Variants in COL4A1 observed in about 807,000 individuals in gnomAD.
The protein encoded by COL4A1 is collagen alpha-1(IV) chain.
Under a neutral mutation model 216.6 loss-of-function variants are expected in COL4A1, and 40 were observed. The ratio of observed to expected loss-of-function variants is 0.18; its 90% CI spans 0.14 to 0.24. COL4A1 has a LOEUF of 0.24. Among genes scored for constraint, COL4A1 ranks in the 10% least tolerant of loss-of-function variants. The pLI is 1.00. For missense variants in COL4A1, 1,628 were observed against 2,196.8 expected, an observed-to-expected ratio of 0.74 and a Z score of 5.18; for synonymous variants, 839 against 810.7, an observed-to-expected ratio of 1.03 and a Z score of -0.59.
chr13:110,210,009 C>G lies in COL4A1; in HGVS notation c.586G>C (p.Val196Leu), dbSNP rs1222813336. The change falls in exon 10 of 52, where the codon GTT becomes CTT. Residue 196 changes from valine (V) to leucine (L), a missense_variant. Val to Leu is a conservative substitution (Grantham distance 32, BLOSUM62 1). Coordinates refer to ENST00000375820, the MANE Select transcript of COL4A1 (RefSeq NM_001845.6). Reference sequence around the variant, plus strand: ...GGTCCGGTAAATCCTGGAGGCCCAACAGGACCTTGAAGCCCTGGCAGTCCT... The same window carrying G: ...GGTCCGGTAAATCCTGGAGGCCCAAGAGGACCTTGAAGCCCTGGCAGTCCT... ...PPGLPGLQGP[V>L]GPPGFTGPPG... 6.2e-7 allele frequency: 1 copy of G among 1,614,196 alleles called. No individual in the cohort carries two copies. The highest frequency in any genetic ancestry group is 1.1e-5 in the South Asian group (1 of 91,088).
chr13:110,280,878 T>G (rs1289043041), intron 1 of COL4A1, among the ~76,000 whole-genome samples: 1 of 152,200 alleles, frequency 6.6e-6, no homozygotes, highest in African/African-American at 2.4e-5. Context: ...GCTGAAGGTT[T>G]CTTACTCTAA....
At chr13:110,167,273 A>G (rs1360751336) in intron 43 of COL4A1, 43 bp from the exon 44 acceptor site, 2 of 1,458,452 alleles carry the variant, frequency 1.4e-6, no homozygotes, top group Non-Finnish European at 1.9e-6. Flanking sequence ...CAGGATATGT[A>G]GGTTAAGTCT....
chr13:110,256,370 C>T (rs749658277), intron 1 of COL4A1, among the ~76,000 whole-genome samples: 50 of 152,160 alleles, frequency 3.3e-4, no homozygotes, highest in Admixed American at 2.2e-3. Context: ...GAGGATGATA[C>T]TCGGGAGGAA....
At chr13:110,263,727 T>C (rs11842434) in intron 1 of COL4A1, among the ~76,000 whole-genome samples, 97,791 of 152,120 alleles carry the variant, frequency 0.64, 32,180 homozygotes, top group Non-Finnish European at 0.68. Flanking sequence ...AATTATATAT[T>C]AAATGAAAAT....
chr13:110,232,553 A>G (rs1881110213), intron 2 of COL4A1, among the ~76,000 whole-genome samples: 1 of 152,188 alleles, frequency 6.6e-6, no homozygotes, highest in South Asian at 2.1e-4. Context: ...ATTAAAATAT[A>G]CACTCTCATT....
intron 10 of COL4A1, chr13:110,209,762 A>C: frequency 1.3e-6 from 1 of 768,808 alleles, no homozygotes; most frequent in Admixed American, 1.7e-5. Flanking sequence ...TCAGGGTATC[A>C]GTTTATGGTA....
Position 110,177,888 on chromosome 13 carries a change from C to T in COL4A1, c.2670G>A (p.Pro890=), listed in dbSNP as rs769582266. Residue 890 remains proline, a synonymous_variant, in exon 33 of 52, where the codon CCG becomes CCA. Transcript: ENST00000375820. ...EMGVMGTPGQ[P]GSPGPVGAPG... ...GAGCACCCACTGGTCCTGGTGAGCC[C>T]GGCTGCCCGGGGGTCCCCATGACGC... The T allele has an allele frequency of 1.4e-5, 23 of 1,613,992 alleles. No individual in the cohort carries two copies. The highest frequency in any genetic ancestry group is 1.3e-4 in the East Asian group (6 of 44,886).
intron 1 of COL4A1, among the ~76,000 whole-genome samples, chr13:110,253,698 A>ATATGTG (rs756181406): frequency 0.036 from 3,827 of 106,468 alleles, 478 homozygotes; most frequent in Non-Finnish European, 0.06. Flanking sequence ...ACATATAATT[A>ATATGTG]TACGTATGTA....
chr13:110,305,360 G>GT (rs1364758530), intron 1 of COL4A1, among the ~76,000 whole-genome samples: 13 of 152,346 alleles, frequency 8.5e-5, no homozygotes, highest in Admixed American at 6.5e-4. Context: ...CAGGATTTGC[G>GT]TAACTGAGTG....
At position 110,183,219 on chromosome 13, in the gene COL4A1, CCTT is replaced by C. The variant is rs751234195; in HGVS notation, c.1952_1954del (p.Glu651del). 1.5e-5 allele frequency: 24 copies of C among 1,613,792 alleles called. No individual in the cohort carries two copies. Among genetic ancestry groups the C allele is most frequent in the African/African-American group, 6.7e-5 (5 of 74,934 alleles). Reference sequence around the variant, plus strand: ...TGGGAAGCCTGGGGACCCCGGCAGTCCTTCTGCTCCAGGGGGGCCTGGTAAAGG... The same window carrying C: ...TGGGAAGCCTGGGGACCCCGGCAGTCCTGCTCCAGGGGGGCCTGGTAAAGG... On this transcript the variant is annotated inframe_deletion, in exon 27 of 52. Coordinates refer to ENST00000375820, the MANE Select transcript of COL4A1 (RefSeq NM_001845.6).
intron 1 of COL4A1, among the ~76,000 whole-genome samples, chr13:110,255,155 G>A (rs553924201): frequency 2.0e-5 from 3 of 152,236 alleles, no homozygotes; most frequent in African/African-American, 7.2e-5. Context: ...GAAGGCCAGA[G>A]TGCTGCAAGG....
chr13:110,267,921 A>C (rs1883103567), intron 1 of COL4A1, among the ~76,000 whole-genome samples: 1 of 152,196 alleles, frequency 6.6e-6, no homozygotes, highest in Admixed American at 6.5e-5. Context: ...TCAGGATTTT[A>C]AACCCCATGA....
At position 110,213,921 on chromosome 13, in the gene COL4A1, C is replaced by A. The variant is rs895625689; in HGVS notation, c.234+5G>T. On this transcript the variant is annotated splice_donor_5th_base_variant and intron_variant, in intron 3 of 51. Transcript: ENST00000375820. ...ACCCACCCCCAATCCCACAGCCGTG[C>A]TTACCTTTTGTCCTGGTGGTCCCTG... 2 of 1,614,104 alleles carry A rather than the reference C, an allele frequency of 1.2e-6. No homozygotes were observed. The highest frequency in any genetic ancestry group is 1.7e-6 in the Non-Finnish European group (2 of 1,180,012).
chr13:110,234,208 A>G (rs1881195123), intron 2 of COL4A1, among the ~76,000 whole-genome samples: 1 of 152,248 alleles, frequency 6.6e-6, no homozygotes, highest in Non-Finnish European at 1.5e-5. Context: ...AACAGTGGGT[A>G]GATGGGGGAA....
At chr13:110,223,306 C>T (rs1398191774) in intron 2 of COL4A1, among the ~76,000 whole-genome samples, 2 of 152,224 alleles carry the variant, frequency 1.3e-5, no homozygotes, top group South Asian at 2.1e-4. Flanking sequence ...CTTTGGTCTT[C>T]TTCCACTATA....
At chr13:110,215,317 TGGGAG>T (rs1880015716) in intron 2 of COL4A1, among the ~76,000 whole-genome samples, 1 of 152,152 alleles carries the variant, frequency 6.6e-6, no homozygotes, top group South Asian at 2.1e-4. Flanking sequence ...CCCAGCACTT[TGGGAG>T]ATAGAGGCGG....
chr13:110,161,774 T>C lies in COL4A1; in HGVS notation c.4463-405A>G, dbSNP rs533145484. On this transcript the variant is annotated intron_variant, in intron 48 of 51. Coordinates refer to ENST00000375820, the MANE Select transcript of COL4A1 (RefSeq NM_001845.6). ...GGATATCTGGGTCAGATTAAGATAA[T>C]GAGGACAGATATGTAGCTTTCTGCT... Among the ~76,000 whole-genome samples the C allele has an allele frequency of 1.1e-4, 17 of 152,306 alleles. No individual in the cohort carries two copies. Among genetic ancestry groups the C allele is most frequent in the Admixed American group, 3.3e-4 (5 of 15,300 alleles).
At chr13:110,292,096 C>A (rs143029912) in intron 1 of COL4A1, among the ~76,000 whole-genome samples, 249 of 152,350 alleles carry the variant, frequency 1.6e-3, no homozygotes, top group African/African-American at 5.7e-3. Flanking sequence ...GAAGTGCCTG[C>A]ATCCTGCCTG....
intron 42 of COL4A1, 62 bp from the exon 43 acceptor site, chr13:110,169,824 T>C (rs1877523662): frequency 1.3e-6 from 2 of 1,580,630 alleles, no homozygotes; most frequent in Non-Finnish European, 1.7e-6. Context: ...CCCTGGGCTG[T>C]GGGGCTATCA....
Sources: allele counts gnomAD v4.1 joint callset (sites outside exome capture counted in the v4.1 genomes callset), GRCh38; gene constraint gnomAD v4.1.1; transcripts MANE v1.5; gene names NCBI Gene and HGNC (gene_info 2026-07-23, HGNC 2026-07-21).